SIPA1L3: variants seen among roughly 807,000 people sequenced by gnomAD.
SIPA1L3 encodes the protein signal-induced proliferation-associated 1-like protein 3.
SIPA1L3 carries 59 observed loss-of-function variants against 150.1 expected under a neutral mutation model. The observed-to-expected ratio is 0.39, with a 90% CI of 0.32 to 0.49. The LOEUF is 0.49. Ranked by LOEUF, SIPA1L3 falls within the 20% of genes least tolerant of loss-of-function variation. The probability of loss-of-function intolerance (pLI) is 0.86; values close to 1 mark genes in which losing one functional copy is unlikely to be tolerated. For synonymous variants in SIPA1L3, 1,070 were observed against 1,077.6 expected, an observed-to-expected ratio of 0.99 and a Z score of 0.14; for missense variants, 2,211 against 2,489.5, an observed-to-expected ratio of 0.89 and a Z score of 2.38.
At chr19:37,909,246 A>G (rs1599781997) in intron 1 of SIPA1L3, among the ~76,000 whole-genome samples, 1 of 152,294 alleles carries the variant, frequency 6.6e-6, no homozygotes, top group East Asian at 1.9e-4. Flanking sequence ...CTTGCTCCAT[A>G]GCCCAGGCTG....
chr19:37,998,871 C>G (rs2145651459), intron 1 of SIPA1L3, among the ~76,000 whole-genome samples: 1 of 152,178 alleles, frequency 6.6e-6, no homozygotes, highest in African/African-American at 2.4e-5. Context: ...GCTAATATGG[C>G]AGAATCTTGA....
intron 2 of SIPA1L3, among the ~76,000 whole-genome samples, chr19:38,036,836 G>A (rs568465950): frequency 5.3e-4 from 80 of 152,004 alleles, no homozygotes; most frequent in Non-Finnish European, 1.0e-3. Flanking sequence ...GCCCCATCCC[G>A]GCCTGCCCCT....
At chr19:38,049,414 T>A (rs992413288) in intron 2 of SIPA1L3, among the ~76,000 whole-genome samples, 1 of 152,224 alleles carries the variant, frequency 6.6e-6, no homozygotes, top group African/African-American at 2.4e-5. Flanking sequence ...GCCACGTTGC[T>A]GGATGTGTGT....
At chr19:38,107,182 G>A (rs1970641459) in intron 7 of SIPA1L3, among the ~76,000 whole-genome samples, 1 of 152,218 alleles carries the variant, frequency 6.6e-6, no homozygotes, top group Non-Finnish European at 1.5e-5. Context: ...CACCAGCTTA[G>A]CCACCTCAGC....
chr19:38,163,804 G>C (rs961169070), intron 14 of SIPA1L3, among the ~76,000 whole-genome samples: 2 of 152,220 alleles, frequency 1.3e-5, no homozygotes, highest in African/African-American at 4.8e-5. Flanking sequence ...AGCCCCATGG[G>C]CCATGCTGGG....
Position 38,142,579 on chromosome 19 carries a change from C to T in SIPA1L3, c.3402C>T (p.Val1134=). 1 of 1,608,294 alleles carries T rather than the reference C, an allele frequency of 6.2e-7. No individual in the cohort carries two copies. Among genetic ancestry groups the T allele is most frequent in the South Asian group, 1.1e-5 (1 of 90,448 alleles). The change falls in exon 12 of 22, where the codon GTC becomes GTT. Residue 1134 remains valine (V), a synonymous_variant. Coordinates refer to ENST00000222345, the MANE Select transcript of SIPA1L3 (RefSeq NM_015073.3). ...CTCCCCTGTCTCCTTCTAGGCCTGT[C>T]AGCTTCCCAGAAACCCCTTACACAG... ...ESQPLHSKRP[V]SFPETPYTVS...
In SIPA1L3 at chr19:38,206,206, CG is replaced by C; in HGVS notation, c.5314del (p.Glu1772ArgfsTer61). On this transcript the variant is annotated frameshift_variant, in exon 22 of 22. Coordinates refer to ENST00000222345, the MANE Select transcript of SIPA1L3 (RefSeq NM_015073.3). LOFTEE classifies it high-confidence loss of function. ...QAASEQLRKFAEIFCREKKEL is the reference protein window; with the variant it reads ...QAASEQLRKFXEIFCREKKEL ...GCCAGCGAGCAGCTGCGCAAGTTTG[CG>C]GAGATCTTCTGCAGGGAGAAGAAGG... 1 of 1,562,220 alleles carries C rather than the reference CG, an allele frequency of 6.4e-7. No homozygotes were observed. Among genetic ancestry groups the C allele is most frequent in the Non-Finnish European group, 8.7e-7 (1 of 1,153,142 alleles).
chr19:38,130,303 C>T (rs901471267), intron 9 of SIPA1L3, among the ~76,000 whole-genome samples, 195 bp from the exon 10 acceptor site: 5 of 152,212 alleles, frequency 3.3e-5, no homozygotes, highest in Non-Finnish European at 7.3e-5. Flanking sequence ...ATCCACATTT[C>T]CCCTCCAGAA....
At chr19:37,956,680 C>T (rs353429) in intron 1 of SIPA1L3, among the ~76,000 whole-genome samples, 43,278 of 151,810 alleles carry the variant, frequency 0.29, 7,354 homozygotes, top group East Asian at 0.62. Context: ...GATGGGGTTT[C>T]GCCATGTTGG....
chr19:38,074,519 G>A (rs1969796722), intron 2 of SIPA1L3, among the ~76,000 whole-genome samples: 1 of 152,236 alleles, frequency 6.6e-6, no homozygotes. Flanking sequence ...GCGCCCTCAG[G>A]CGGGCCATCA....
Position 38,204,209 on chromosome 19 carries a change from G to A in SIPA1L3, c.5202+1G>A, listed in dbSNP as rs1376294631. The A allele has an allele frequency of 1.3e-6, 2 of 1,553,666 alleles. No homozygotes were observed. The highest frequency in any genetic ancestry group is 1.4e-5 in the African/African-American group (1 of 73,070). On this transcript the variant is annotated splice_donor_variant, in intron 21 of 21. Transcript: ENST00000222345. LOFTEE classifies it high-confidence loss of function. ...ACAGCTGCACACTGACCTGCAGAAG[G>A]TAAGGCCGGGGGCCACGCCCTCTCC...
At chr19:38,030,623 A>AATACATACATATATATATATAT (rs1250170240) in intron 2 of SIPA1L3, among the ~76,000 whole-genome samples, 1 of 42,630 alleles carries the variant, frequency 2.3e-5, no homozygotes, top group African/African-American at 5.9e-5. Flanking sequence ...ATATGTGGCA[A>AATACATACATATATATATATAT]ATATATATAT....
Position 38,103,614 on chromosome 19 carries a change from G to A in SIPA1L3, c.2029+2388G>A, listed in dbSNP as rs1323435239. Among the ~76,000 whole-genome samples, 16 of 144,474 alleles carry A rather than the reference G, an allele frequency of 1.1e-4. No homozygotes were observed. The Admixed American group carries it at 1.2e-3, about 11-fold the overall frequency. The allele number at this position is 144,474 out of a possible 152,430, so 94.8% of individuals were successfully genotyped here. On this transcript the variant is annotated intron_variant, in intron 6 of 21. Coordinates refer to ENST00000222345, the MANE Select transcript of SIPA1L3 (RefSeq NM_015073.3). ...CTGTACTCGAGCCTGGGCAACAAGA[G>A]CAAAACTTCATCTCAAAAAAAAAAA...
rs147729689 is a variant in SIPA1L3 at position 38,109,056 on chromosome 19, G to A, written c.2134-1171G>A. Reference sequence around the variant, plus strand: ...CAAATAAGCCAAACACTGTGAATACGGCGTCACCTGTGAAGATAACAGAGT... The same window carrying A: ...CAAATAAGCCAAACACTGTGAATACAGCGTCACCTGTGAAGATAACAGAGT... On this transcript the variant is annotated intron_variant, in intron 7 of 21. Coordinates refer to ENST00000222345, the MANE Select transcript of SIPA1L3 (RefSeq NM_015073.3). Among the ~76,000 whole-genome samples the A allele has an allele frequency of 2.6e-5, 4 of 152,214 alleles. No homozygotes were observed. The East Asian group carries it at 5.8e-4, about 22-fold the overall frequency.
At chr19:38,017,851 C>A (rs369769551) in intron 1 of SIPA1L3, among the ~76,000 whole-genome samples, 335 of 152,242 alleles carry the variant, frequency 2.2e-3, no homozygotes, top group Non-Finnish European at 3.6e-3. Context: ...CTTTTGAACA[C>A]TGACAATCTC....
At chr19:38,048,036 G>A (rs1599951677) in intron 2 of SIPA1L3, among the ~76,000 whole-genome samples, 1 of 152,190 alleles carries the variant, frequency 6.6e-6, no homozygotes, top group Non-Finnish European at 1.5e-5. Context: ...GTGCCTCTGG[G>A]TGGGCAGGGG....
At chr19:38,007,745 C>T (rs1967989419) in intron 1 of SIPA1L3, among the ~76,000 whole-genome samples, 2 of 151,984 alleles carry the variant, frequency 1.3e-5, no homozygotes, top group South Asian at 2.1e-4. Context: ...GTGTAAGTAT[C>T]TTGGTGTGTG....
chr19:38,197,491 A>T (rs1402867085), intron 18 of SIPA1L3, among the ~76,000 whole-genome samples: 1 of 151,668 alleles, frequency 6.6e-6, no homozygotes, highest in African/African-American at 2.4e-5. Context: ...CCCCACGGCA[A>T]CCCCACCCCG....
chr19:38,188,225 G>A (rs1385119405), intron 16 of SIPA1L3, among the ~76,000 whole-genome samples: 1 of 151,678 alleles, frequency 6.6e-6, no homozygotes, highest in Non-Finnish European at 1.5e-5. Flanking sequence ...TCACTCTGTT[G>A]CCCAAGCTGG....
Sources: gnomAD v4.1 joint callset for allele counts (sites outside exome capture counted in the v4.1 genomes callset) on GRCh38, gnomAD v4.1.1 for gene constraint, MANE v1.5 for transcripts, NCBI Gene and HGNC (gene_info 2026-07-23, HGNC 2026-07-21) for gene names.